Variants in STAC2 observed in about 807,000 individuals in gnomAD.
STAC2 encodes SH3 and cysteine-rich domain-containing protein 2.
Under a neutral mutation model 49.0 loss-of-function variants are expected in STAC2, and 36 were observed. The ratio of observed to expected loss-of-function variants is 0.74; its 90% CI spans 0.56 to 0.97. The LOEUF is 0.97. Among genes scored for constraint, STAC2 ranks in the 50% least tolerant of loss-of-function variants. The probability of loss-of-function intolerance (pLI) is 0.00; values close to 1 mark genes in which losing one functional copy is unlikely to be tolerated. For synonymous variants in STAC2, 239 were observed against 214.7 expected (o/e 1.11, Z -0.99); for missense variants, 527 against 543.8 (o/e 0.97, Z 0.31).
At position 39,213,043 on chromosome 17, in the gene STAC2, G is replaced by A; in HGVS notation, c.1083C>T (p.Pro361=). 6.2e-7 allele frequency: 1 copy of A among 1,613,976 alleles called. No individual in the cohort carries two copies. The highest frequency in any genetic ancestry group is 8.5e-7 in the Non-Finnish European group (1 of 1,180,048). ...AACCCTGTTCCTTGTTCCCGGAGAAGGGTTGGCAGCAGCGCCAAACATTCT... is the reference window on the plus strand; with the variant it reads ...AACCCTGTTCCTTGTTCCCGGAGAAAGGTTGGCAGCAGCGCCAAACATTCT... The part of the protein sequence containing the change: ...PGENVWRCCQ[P]FSGNKEQGYM... Residue 361 remains proline, a synonymous_variant, in exon 10 of 11, where the codon CCC becomes CCT. Coordinates refer to ENST00000333461, the MANE Select transcript of STAC2 (RefSeq NM_198993.5).
At chr17:39,216,683 AC>A (rs1161446051) in intron 4 of STAC2, 126 bp downstream of exon 4, 14 of 856,094 alleles carry the variant, frequency 1.6e-5, no homozygotes, top group Admixed American at 2.8e-5. Context: ...GCTCACTGCA[AC>A]CTCCGCCTCC....
intron 9 of STAC2, 67 bp from the exon 10 acceptor site, chr17:39,213,199 C>T: frequency 6.3e-7 from 1 of 1,586,160 alleles, no homozygotes; most frequent in Non-Finnish European, 8.5e-7. Flanking sequence ...ACTGCTTTCT[C>T]CAGACCCGGT....
chr17:39,219,573 C>T (rs546743861), intron 1 of STAC2, among the ~76,000 whole-genome samples: 11 of 152,196 alleles, frequency 7.2e-5, no homozygotes, highest in Admixed American at 2.0e-4. Context: ...CAAATCCCCA[C>T]GCAGGCTCTC....
intron 8 of STAC2, among the ~76,000 whole-genome samples, chr17:39,213,969 G>C (rs370737451): frequency 6.6e-6 from 1 of 152,204 alleles, no homozygotes; most frequent in East Asian, 1.9e-4. Context: ...GAGCCACCGC[G>C]CCCCGCTGGG....
chr17:39,213,497 G>C lies in STAC2; in HGVS notation c.993+10C>G. ...CCAGTGTCCCTCCACTCCCCACCCT[G>C]CCAAGTCACCTTCCACCAGTCCTCG... On this transcript the variant is annotated intron_variant, in intron 9 of 10. Transcript: ENST00000333461. 6.2e-7 allele frequency: 1 copy of C among 1,613,444 alleles called. No individual in the cohort carries two copies. Among genetic ancestry groups the C allele is most frequent in the Non-Finnish European group, 8.5e-7 (1 of 1,179,612 alleles).
chr17:39,216,330 C>T (rs1345648826), intron 4 of STAC2, among the ~76,000 whole-genome samples: 1 of 152,190 alleles, frequency 6.6e-6, no homozygotes, highest in Non-Finnish European at 1.5e-5. Flanking sequence ...ACTTAAGGCG[C>T]TCATGCTGAT....
Position 39,215,258 on chromosome 17 carries a change from GCT to G in STAC2, c.587-30_587-29del, listed in dbSNP as rs764355351. ...GCAGATTATCCACCCTCAAGGCCTG[GCT>G]CTGCCTCAAAGCCCTGCATCTCTAG... On this transcript the variant is annotated intron_variant, in intron 4 of 10. Transcript: ENST00000333461. 3.1e-6 allele frequency: 5 copies of G among 1,611,202 alleles called. No individual in the cohort carries two copies. In the Admixed American group the frequency reaches 8.3e-5, roughly 27 times the overall value.
chr17:39,213,262 C>T, intron 9 of STAC2, 130 bp from the exon 10 acceptor site: 1 of 1,471,936 alleles, frequency 6.8e-7, no homozygotes, highest in Middle Eastern at 2.3e-4. Flanking sequence ...CTCCGGATTC[C>T]AGCCCCCAGC....
In STAC2 at chr17:39,214,734, A is replaced by G; in HGVS notation, c.843+57T>C. On this transcript the variant is annotated intron_variant, in intron 7 of 10. Transcript: ENST00000333461. ...GCCCCCCTATGAATCAATGGCAAGG[A>G]GAAATTACACCCGCTTCCCACCCTG... 4 of 1,586,494 alleles carry G rather than the reference A, an allele frequency of 2.5e-6. No individual in the cohort carries two copies. The East Asian group carries it at 6.7e-5, about 27-fold the overall frequency.
chr17:39,225,475 C>A lies in STAC2; in HGVS notation c.28G>T (p.Glu10Ter). 1 of 1,610,354 alleles carries A rather than the reference C, an allele frequency of 6.2e-7. No individual in the cohort carries two copies. The highest frequency in any genetic ancestry group is 8.5e-7 in the Non-Finnish European group (1 of 1,178,770). ...CTGTGGGTGGCCGCGTCATCCGGTT[C>A]GTTCTCCTTCTCGCTCATCTCGGTC... Reference protein sequence around the residue: MTEMSEKENEPDDAATHSPP... With the variant: MTEMSEKEN Residue 10 changes from glutamate (E) to a stop codon, truncating the protein, a stop_gained, in exon 1 of 11, where the codon GAA becomes TAA. Coordinates refer to ENST00000333461, the MANE Select transcript of STAC2 (RefSeq NM_198993.5). LOFTEE classifies it high-confidence loss of function. The surrounding 1 kb of genome is among the most constrained non-coding windows in gnomAD (Gnocchi z 8.2).
At chr17:39,214,351 C>G in intron 7 of STAC2, 21 bp from the exon 8 acceptor site, 1 of 1,613,456 alleles carries the variant, frequency 6.2e-7, no homozygotes, top group South Asian at 1.1e-5. Context: ...ATCTCTGGGT[C>G]GGTGACCGGA....
chr17:39,220,119 C>T (rs964237126), intron 1 of STAC2, among the ~76,000 whole-genome samples: 1 of 152,244 alleles, frequency 6.6e-6, no homozygotes, highest in African/African-American at 2.4e-5. Flanking sequence ...AACCCAGCTT[C>T]CTGGATAGCA....
rs1296360074 is a variant in STAC2 at position 39,225,652 on chromosome 17, G to A, written c.-150C>T. 3 of 764,222 alleles carry A rather than the reference G, an allele frequency of 3.9e-6. No individual in the cohort carries two copies. The highest frequency in any genetic ancestry group is 6.4e-6 in the Non-Finnish European group (3 of 465,732). 47.3% of individuals were successfully genotyped at this position (764,222 alleles called of 1,614,324 possible). ...CCGGCACGGCAGCCCCCAACCCGCG[G>A]GAGCGGGCAGAGAAAGTTGCCGGGG... On this transcript the variant is annotated 5_prime_UTR_variant, in exon 1 of 11. Coordinates refer to ENST00000333461, the MANE Select transcript of STAC2 (RefSeq NM_198993.5). The surrounding 1 kb of genome is among the most constrained non-coding windows in gnomAD (Gnocchi z 8.2).
At chr17:39,214,474 T>G in intron 7 of STAC2, 144 bp from the exon 8 acceptor site, 1 of 1,476,102 alleles carries the variant, frequency 6.8e-7, no homozygotes, top group Non-Finnish European at 9.0e-7. Context: ...GAGACCCTCG[T>G]ACATGCTATG....
chr17:39,223,461 G>A (rs991483971), intron 1 of STAC2, among the ~76,000 whole-genome samples: 2 of 152,196 alleles, frequency 1.3e-5, no homozygotes, highest in African/African-American at 4.8e-5. Context: ...CAGAAGGGCC[G>A]GATCAGGGGT....
intron 1 of STAC2, among the ~76,000 whole-genome samples, chr17:39,222,443 T>G (rs1291028456): frequency 6.6e-6 from 1 of 152,204 alleles, no homozygotes; most frequent in Non-Finnish European, 1.5e-5. Context: ...GAGATCAGAC[T>G]GTGGCTACAG....
At chr17:39,220,548 C>T (rs559582639) in intron 1 of STAC2, among the ~76,000 whole-genome samples, 1 of 151,652 alleles carries the variant, frequency 6.6e-6, no homozygotes, top group Non-Finnish European at 1.5e-5. Flanking sequence ...GATCTCAGCT[C>T]ACTGCAACCT....
intron 7 of STAC2, 49 bp downstream of exon 7, chr17:39,214,742 C>T (rs747889026): frequency 5.0e-6 from 8 of 1,597,172 alleles, no homozygotes; most frequent in Admixed American, 1.7e-5. Context: ...GGAGAAATTA[C>T]ACCCGCTTCC....
At chr17:39,216,117 C>T (rs1249902089) in intron 4 of STAC2, among the ~76,000 whole-genome samples, 2 of 152,086 alleles carry the variant, frequency 1.3e-5, no homozygotes, top group African/African-American at 2.4e-5. Context: ...GGAAGTCTTC[C>T]CTGATTTTGC....
Sources: gnomAD v4.1 joint callset for allele counts (sites outside exome capture counted in the v4.1 genomes callset) on GRCh38, gnomAD v4.1.1 for gene constraint, Gnocchi (gnomAD v3.1) non-coding constraint, MANE v1.5 for transcripts, NCBI Gene and HGNC (gene_info 2026-07-23, HGNC 2026-07-21) for gene names.